SEMA4D: variants seen among roughly 807,000 people sequenced by gnomAD.
SEMA4D encodes the protein semaphorin-4D.
SEMA4D carries 22 observed loss-of-function variants against 74.8 expected under a neutral mutation model. The observed-to-expected ratio is 0.29, with a 90% CI of 0.21 to 0.42. SEMA4D has a LOEUF of 0.42. Ranked by LOEUF, SEMA4D falls within the 10% of genes least tolerant of loss-of-function variation. The pLI is 1.00. For missense variants in SEMA4D, 937 were observed against 1,118.4 expected (o/e 0.84, Z 2.31); for synonymous variants, 445 against 463.7 (o/e 0.96, Z 0.52).
intron 16 of SEMA4D, chr9:89,367,162 A>C (rs1350886969): frequency 6.6e-6 from 1 of 152,602 alleles, no homozygotes; most frequent in African/African-American, 2.4e-5. Context: ...TCTCTTTCTG[A>C]ATGCATGAGA....
At chr9:89,458,407 T>C (rs1216697297) in intron 1 of SEMA4D, among the ~76,000 whole-genome samples, 1 of 152,148 alleles carries the variant, frequency 6.6e-6, no homozygotes, top group Non-Finnish European at 1.5e-5. Context: ...TTCCACATGG[T>C]GCATACATCC....
intron 2 of SEMA4D, among the ~76,000 whole-genome samples, chr9:89,424,881 T>G (rs1168765054): frequency 6.6e-6 from 1 of 152,168 alleles, no homozygotes; most frequent in East Asian, 1.9e-4. Context: ...GCATGCTTAT[T>G]TCTTACAAGG....
chr9:89,390,213 T>C (rs1839522774), intron 9 of SEMA4D, among the ~76,000 whole-genome samples: 2 of 152,224 alleles, frequency 1.3e-5, no homozygotes, highest in African/African-American at 4.8e-5. Context: ...AGTGCTGCTC[T>C]GACAGCATTC....
At chr9:89,471,559 T>C (rs1179530428) in intron 1 of SEMA4D, among the ~76,000 whole-genome samples, 2 of 152,370 alleles carry the variant, frequency 1.3e-5, no homozygotes, top group Non-Finnish European at 1.5e-5. Context: ...ATCTTTATCA[T>C]ACACACTGGC....
chr9:89,384,354 G>A (rs1021082843), intron 13 of SEMA4D, among the ~76,000 whole-genome samples: 1 of 152,230 alleles, frequency 6.6e-6, no homozygotes, highest in African/African-American at 2.4e-5. Context: ...CAGCAGGGAG[G>A]AACCTTGAGG....
At chr9:89,494,978 T>C (rs1825896551) in intron 1 of SEMA4D, among the ~76,000 whole-genome samples, 1 of 152,220 alleles carries the variant, frequency 6.6e-6, no homozygotes, top group Admixed American at 6.5e-5. Context: ...AAAGGAGTGA[T>C]GCTTGGATCA....
At chr9:89,372,577 G>A (rs1455269670), downstream of SEMA4D, among the ~76,000 whole-genome samples, 13 of 151,934 alleles carry the variant, frequency 8.6e-5, no homozygotes, top group African/African-American at 1.5e-4. Flanking sequence ...TCTCAAGGCC[G>A]CTGTCCCTCC....
intron 16 of SEMA4D, among the ~76,000 whole-genome samples, chr9:89,370,543 TGA>T (rs751026735): frequency 8.8e-5 from 13 of 148,084 alleles, no homozygotes; most frequent in African/African-American, 1.5e-4. Context: ...GCATGTGGTG[TGA>T]GGGGGTGTGG....
intron 12 of SEMA4D, 198 bp downstream of exon 12, chr9:89,387,188 A>T: frequency 1.8e-6 from 1 of 566,268 alleles, no homozygotes; most frequent in East Asian, 2.9e-5. Flanking sequence ...TACCTCCAGT[A>T]GCCTGGTGGT....
intron 2 of SEMA4D, among the ~76,000 whole-genome samples, chr9:89,443,041 C>A (rs1179991324): frequency 1.3e-5 from 2 of 152,190 alleles, no homozygotes; most frequent in African/African-American, 4.8e-5. Context: ...CTACAGCATG[C>A]CTGCACAGCC....
chr9:89,443,451 G>C (rs1852128058), intron 2 of SEMA4D, among the ~76,000 whole-genome samples: 1 of 152,220 alleles, frequency 6.6e-6, no homozygotes. Context: ...TCCCTGCAGA[G>C]TGGAGCCTTC....
chr9:89,460,718 A>G (rs766437591), intron 1 of SEMA4D, among the ~76,000 whole-genome samples: 1 of 152,350 alleles, frequency 6.6e-6, no homozygotes, highest in South Asian at 2.1e-4. Context: ...AAAGGGGAGA[A>G]GCAACACTGA....
chr9:89,422,609 A>G (rs1847214297), intron 2 of SEMA4D, among the ~76,000 whole-genome samples: 1 of 152,262 alleles, frequency 6.6e-6, no homozygotes, highest in South Asian at 2.1e-4. Flanking sequence ...TGGTGCCCTC[A>G]GCAGCCTGTC....
At chr9:89,417,506 A>G (rs559170106) in intron 2 of SEMA4D, among the ~76,000 whole-genome samples, 1 of 152,386 alleles carries the variant, frequency 6.6e-6, no homozygotes, top group East Asian at 1.9e-4. Context: ...GAGTAATATG[A>G]AAATGATGAA....
At chr9:89,459,840 A>C (rs145298661) in intron 1 of SEMA4D, among the ~76,000 whole-genome samples, 173 of 152,310 alleles carry the variant, frequency 1.1e-3, no homozygotes, top group African/African-American at 4.0e-3. Flanking sequence ...GGCTAACACG[A>C]GGGAGCCCAG....
downstream of SEMA4D, chr9:89,377,193 C>T (rs755652871): frequency 1.4e-3 from 1,874 of 1,309,052 alleles, 2 homozygotes; most frequent in Non-Finnish European, 1.7e-3. Context: ...CATGCAGGGG[C>T]GGGAGGCTGC....
At chr9:89,457,349 C>T (rs1856194069) in intron 1 of SEMA4D, among the ~76,000 whole-genome samples, 1 of 152,150 alleles carries the variant, frequency 6.6e-6, no homozygotes, top group African/African-American at 2.4e-5. Flanking sequence ...TGCATCGTAG[C>T]AAAGCCATGG....
At chr9:89,424,644 T>C (rs1327198063) in intron 2 of SEMA4D, among the ~76,000 whole-genome samples, 1 of 152,092 alleles carries the variant, frequency 6.6e-6, no homozygotes, top group Non-Finnish European at 1.5e-5. Flanking sequence ...CACTGTGTCC[T>C]GCCTGGCTTT....
chr9:89,421,714 C>T (rs1036155961), intron 2 of SEMA4D, among the ~76,000 whole-genome samples: 21 of 152,124 alleles, frequency 1.4e-4, no homozygotes, highest in Middle Eastern at 3.2e-3. Context: ...TATGAAAGGG[C>T]GCTGTTCAGT....
Sources: allele counts gnomAD v4.1 joint callset (sites outside exome capture counted in the v4.1 genomes callset), GRCh38; gene constraint gnomAD v4.1.1; transcripts MANE v1.5; gene names NCBI Gene and HGNC (gene_info 2026-07-23, HGNC 2026-07-21).